DENND1B: variants seen among roughly 807,000 people sequenced by gnomAD.
DENND1B encodes DENN domain-containing protein 1B.
In DENND1B, 59 loss-of-function variants were observed where a neutral mutation model predicts 90.1. That is an observed-to-expected ratio of 0.65 (90% CI 0.53 to 0.81). The LOEUF (loss-of-function observed/expected upper bound fraction) is 0.81. DENND1B is among the 40% of genes least tolerant of loss of function. The pLI, the probability that DENND1B is intolerant of heterozygous loss-of-function variation, is 0.00. For synonymous variants in DENND1B, 337 were observed against 324.6 expected (o/e 1.04, Z -0.41); for missense variants, 862 against 912.6 (o/e 0.94, Z 0.71).
At chr1:197,709,666 T>A (rs1262099455) in intron 3 of DENND1B, among the ~76,000 whole-genome samples, 1 of 3,298 alleles carries the variant, frequency 3.0e-4, no homozygotes, top group African/African-American at 1.7e-3. Flanking sequence ...AGAAACTGCA[T>A]CAACTAATGA....
intron 3 of DENND1B, among the ~76,000 whole-genome samples, chr1:197,714,007 T>TG (rs750148851): frequency 1.7e-4 from 19 of 110,318 alleles, no homozygotes; most frequent in South Asian, 5.6e-4. Context: ...TTTTTTTTTT[T>TG]GGGACGGAGT....
At chr1:197,561,338 G>A (rs1352716793) in intron 15 of DENND1B, among the ~76,000 whole-genome samples, 2 of 151,888 alleles carry the variant, frequency 1.3e-5, no homozygotes, top group Non-Finnish European at 2.9e-5. Context: ...CCTGTCATGA[G>A]CATTTGACAG....
At position 197,540,030 on chromosome 1, in the gene DENND1B, T is replaced by C. The variant is rs770393746; in HGVS notation, c.1449A>G (p.Gln483=). The C allele has an allele frequency of 1.1e-5, 17 of 1,613,300 alleles. No individual in the cohort carries two copies. The highest frequency in any genetic ancestry group is 1.6e-4 in the Middle Eastern group (1 of 6,074). Residue 483 remains glutamine, a synonymous_variant, in exon 20 of 23, where the codon CAA becomes CAG. Coordinates refer to ENST00000620048, the MANE Select transcript of DENND1B (RefSeq NM_001195215.2). ...TGTGTAATTTGTAAACTGGTGTATA[T>C]TGTACAGAACTAGAACAGGTCCCAT... ...EDYGTCSSSV[Q]YTPVYKLHNE...
At chr1:197,525,335 C>G (rs747097650) in intron 20 of DENND1B, among the ~76,000 whole-genome samples, 3 of 152,152 alleles carry the variant, frequency 2.0e-5, no homozygotes, top group Middle Eastern at 3.4e-3. Context: ...GATTATTGAT[C>G]AGTGCAAATA....
chr1:197,755,524 G>A lies in DENND1B; in HGVS notation c.82+17344C>T, dbSNP rs539238007. Among the ~76,000 whole-genome samples, 130 of 152,088 alleles carry A rather than the reference G, an allele frequency of 8.5e-4. 1 individual carries two copies. Among genetic ancestry groups the A allele is most frequent in the African/African-American group, 3.0e-3 (124 of 41,522 alleles). On this transcript the variant is annotated intron_variant, in intron 2 of 22. Transcript: ENST00000620048. ...AAGAAAACTAGTAAAGAGAAAATAT[G>A]TGAAGAAATATATGCAGACAATAAG...
At chr1:197,587,883 G>A (rs1674848504) in intron 14 of DENND1B, among the ~76,000 whole-genome samples, 1 of 152,040 alleles carries the variant, frequency 6.6e-6, no homozygotes, top group African/African-American at 2.4e-5. Context: ...TTATCTGGGG[G>A]TAATGGGAGA....
Position 197,723,488 on chromosome 1 carries a change from A to G in DENND1B, c.83-8414T>C, listed in dbSNP as rs532003386. Reference sequence around the variant, plus strand: ...AAGGGAAAGAAATGCTGTACCACAGATGTTCAATCTTGATTAATCTATCGC... The same window carrying G: ...AAGGGAAAGAAATGCTGTACCACAGGTGTTCAATCTTGATTAATCTATCGC... On this transcript the variant is annotated intron_variant, in intron 2 of 22. Coordinates refer to ENST00000620048, the MANE Select transcript of DENND1B (RefSeq NM_001195215.2). Among the ~76,000 whole-genome samples the G allele has an allele frequency of 4.6e-5, 7 of 152,294 alleles. No homozygotes were observed. In the South Asian group the frequency reaches 1.4e-3, roughly 32 times the overall value.
intron 14 of DENND1B, among the ~76,000 whole-genome samples, chr1:197,587,675 G>A (rs913504208): frequency 5.3e-5 from 8 of 152,106 alleles, no homozygotes; most frequent in African/African-American, 1.9e-4. Flanking sequence ...CCAGACGCGG[G>A]TTTTGTGGAA....
intron 6 of DENND1B, among the ~76,000 whole-genome samples, chr1:197,656,017 A>G (rs1030241829): frequency 7.9e-5 from 12 of 152,300 alleles, no homozygotes; most frequent in Non-Finnish European, 1.0e-4. Flanking sequence ...CAGATCATAA[A>G]GTTATTATAT....
chr1:197,595,317 T>G lies in DENND1B; in HGVS notation c.938A>C (p.Asn313Thr). ...LPSDVVSALK[N>T]KLKKQSTATG... ...AGCTGTAGACTGCTTCTTCAGTTTA[T>G]TTTTCAAGGCCGAGACCTGCATGAC... The change falls in exon 14 of 23, where the codon AAT becomes ACT. Residue 313 changes from asparagine to threonine, a missense_variant. Coordinates refer to ENST00000620048, the MANE Select transcript of DENND1B (RefSeq NM_001195215.2). 6.2e-7 allele frequency: 1 copy of G among 1,612,874 alleles called. No individual in the cohort carries two copies. Among genetic ancestry groups the G allele is most frequent in the Non-Finnish European group, 8.5e-7 (1 of 1,179,194 alleles).
intron 11 of DENND1B, among the ~76,000 whole-genome samples, chr1:197,615,712 AATTAT>A (rs1677586121): frequency 6.6e-6 from 1 of 150,848 alleles, no homozygotes; most frequent in Admixed American, 6.6e-5. Context: ...TTAAAAAAAT[AATTAT>A]ATTATATTAC....
chr1:197,700,296 G>A (rs1028244748), intron 3 of DENND1B, among the ~76,000 whole-genome samples: 1 of 152,026 alleles, frequency 6.6e-6, no homozygotes, highest in Non-Finnish European at 1.5e-5. Flanking sequence ...ACAGAAAAGA[G>A]ACCTCAGAAA....
chr1:197,770,682 A>G (rs1485916405), intron 2 of DENND1B, among the ~76,000 whole-genome samples: 2 of 142,926 alleles, frequency 1.4e-5, no homozygotes, highest in African/African-American at 2.6e-5. Flanking sequence ...ATAAATATAC[A>G]TATCTATAAA....
At chr1:197,598,134 C>T (rs914416868) in intron 13 of DENND1B, among the ~76,000 whole-genome samples, 16 of 151,680 alleles carry the variant, frequency 1.1e-4, no homozygotes, top group African/African-American at 3.9e-4. Context: ...ACTAAAATTG[C>T]CTGGCAAGAA....
chr1:197,543,489 G>A (rs1042050495), intron 18 of DENND1B, among the ~76,000 whole-genome samples: 7 of 152,094 alleles, frequency 4.6e-5, no homozygotes, highest in Non-Finnish European at 1.0e-4. Flanking sequence ...AAGGGCTATT[G>A]ACTGTGAAAC....
intron 2 of DENND1B, chr1:197,735,690 AGGCGCTACGCC>A (rs753720675): frequency 1.2e-6 from 2 of 1,614,108 alleles, no homozygotes; most frequent in Admixed American, 3.3e-5. Context: ...CGGACACGGG[AGGCGCTACGCC>A]AGGACCGACA....
At position 197,682,727 on chromosome 1, in the gene DENND1B, G is replaced by A. The variant is rs190355195; in HGVS notation, c.127-8558C>T. ...CAGCATGAGGAAAGAGCGGTGGAGG[G>A]GAAGTAGGGGTGGTCCTTCCATCAC... On this transcript the variant is annotated intron_variant, in intron 3 of 22. Coordinates refer to ENST00000620048, the MANE Select transcript of DENND1B (RefSeq NM_001195215.2). Among the ~76,000 whole-genome samples, 317 of 152,230 alleles carry A rather than the reference G, an allele frequency of 2.1e-3. 1 individual carries two copies. The highest frequency in any genetic ancestry group is 7.5e-3 in the African/African-American group (310 of 41,560).
At chr1:197,586,467 A>G (rs549384716) in intron 14 of DENND1B, among the ~76,000 whole-genome samples, 1 of 152,310 alleles carries the variant, frequency 6.6e-6, no homozygotes, top group Non-Finnish European at 1.5e-5. Flanking sequence ...ATAATTTTTA[A>G]GAGTATAAAG....
Position 197,510,941 on chromosome 1 carries a change from A to G in DENND1B, c.1847T>C (p.Leu616Pro). ...NKSNAPSENN[L>P]AFLCGGSGDQ... ...ACCAGAACCACCACAGAGGAAAGCC[A>G]GGTTATTCTCACTAGGAGCATTAGA... Residue 616 changes from leucine to proline, a missense_variant, in exon 23 of 23, where the codon CTG becomes CCG. By Grantham distance (98) the Leu-to-Pro change is moderately conservative. Coordinates refer to ENST00000620048, the MANE Select transcript of DENND1B (RefSeq NM_001195215.2). 1 of 1,548,894 alleles carries G rather than the reference A, an allele frequency of 6.5e-7. No homozygotes were observed. The highest frequency in any genetic ancestry group is 2.1e-5 in the Admixed American group (1 of 46,874).
Sources: allele counts gnomAD v4.1 joint callset (sites outside exome capture counted in the v4.1 genomes callset), GRCh38; gene constraint gnomAD v4.1.1; transcripts MANE v1.5; gene names NCBI Gene and HGNC (gene_info 2026-07-23, HGNC 2026-07-21).